Variants in HMBOX1 observed in about 807,000 individuals in gnomAD.
The protein encoded by HMBOX1 is homeobox-containing protein 1.
In HMBOX1, 14 loss-of-function variants were observed where a neutral mutation model predicts 54.5. That is an observed-to-expected ratio of 0.26 (90% CI 0.17 to 0.40). The LOEUF (loss-of-function observed/expected upper bound fraction) is 0.40. Ranked by LOEUF, HMBOX1 falls within the 10% of genes least tolerant of loss-of-function variation. The pLI is 1.00. For missense variants in HMBOX1, 332 were observed against 514.4 expected, an observed-to-expected ratio of 0.65 and a Z score of 3.43; for synonymous variants, 160 against 181.0, an observed-to-expected ratio of 0.88 and a Z score of 0.93.
chr8:29,051,513 T>G lies in HMBOX1; in HGVS notation c.*358T>G, dbSNP rs144497394. ...TGTAAAATCTTGGGTACCTTTAGAT[T>G]CTTGTAACACTAGTCTGTACTCCCT... On this transcript the variant is annotated 3_prime_UTR_variant, in exon 10 of 10. Coordinates refer to ENST00000287701, the MANE Select transcript of HMBOX1 (RefSeq NM_001135726.3). 775 of 702,880 alleles carry G rather than the reference T, an allele frequency of 1.1e-3. 4 individuals carry two copies. Among genetic ancestry groups the G allele is most frequent in the Admixed American group, 2.6e-3 (131 of 50,010 alleles). 43.5% of individuals were successfully genotyped at this position (702,880 alleles called of 1,614,324 possible).
intron 3 of HMBOX1, among the ~76,000 whole-genome samples, chr8:28,971,928 C>T (rs1247721653): frequency 6.6e-6 from 1 of 152,028 alleles, no homozygotes; most frequent in Non-Finnish European, 1.5e-5. Context: ...AAAAATAGTA[C>T]CTATAAGTAT....
At chr8:28,975,177 C>G (rs1485834310) in intron 3 of HMBOX1, among the ~76,000 whole-genome samples, 1 of 152,074 alleles carries the variant, frequency 6.6e-6, no homozygotes, top group Non-Finnish European at 1.5e-5. Flanking sequence ...TATGCAAACC[C>G]CATAATTGAA....
intron 6 of HMBOX1, among the ~76,000 whole-genome samples, chr8:29,040,054 C>CA (rs1375338755): frequency 6.6e-6 from 1 of 152,154 alleles, no homozygotes; most frequent in African/African-American, 2.4e-5. Flanking sequence ...CCAATGCCTG[C>CA]AGCCTGTGCA....
intron 6 of HMBOX1, among the ~76,000 whole-genome samples, chr8:29,043,417 G>A (rs1271881100): frequency 2.0e-5 from 3 of 152,208 alleles, no homozygotes; most frequent in African/African-American, 4.8e-5. Context: ...CATCCATGCT[G>A]CCTCAGTGCT....
chr8:28,915,851 A>C (rs572209593), intron 1 of HMBOX1: 8 of 152,132 alleles, frequency 5.3e-5, no homozygotes, highest in Middle Eastern at 3.4e-3. Context: ...TAGACATGTG[A>C]CACTGTGCCT....
intron 1 of HMBOX1, among the ~76,000 whole-genome samples, chr8:28,941,486 A>G (rs1302718768): frequency 4.6e-5 from 7 of 152,126 alleles, no homozygotes; most frequent in Non-Finnish European, 7.4e-5. Context: ...TTTAACTTCA[A>G]CAATCTGGGT....
chr8:29,007,739 G>T (rs570871799), intron 4 of HMBOX1, among the ~76,000 whole-genome samples: 1 of 152,182 alleles, frequency 6.6e-6, no homozygotes, highest in African/African-American at 2.4e-5. Flanking sequence ...AGGCCGAGGT[G>T]AGAGGGTGTG....
intron 4 of HMBOX1, among the ~76,000 whole-genome samples, chr8:28,990,517 T>A (rs1024365019): frequency 6.6e-6 from 1 of 152,342 alleles, no homozygotes; most frequent in African/African-American, 2.4e-5. Context: ...CCCACTCAGT[T>A]ATGATGTATT....
chr8:29,001,370 C>G (rs1215168566), intron 4 of HMBOX1, among the ~76,000 whole-genome samples: 4 of 152,052 alleles, frequency 2.6e-5, no homozygotes, highest in African/African-American at 9.7e-5. Flanking sequence ...GCCAATGTGG[C>G]AAAACCCTGT....
chr8:28,930,260 G>T (rs1196224127), intron 1 of HMBOX1, among the ~76,000 whole-genome samples: 2 of 152,038 alleles, frequency 1.3e-5, no homozygotes, highest in Non-Finnish European at 2.9e-5. Context: ...CTAAGACCTG[G>T]TAGCCTTTTT....
chr8:28,957,155 C>A (rs1377561288), intron 1 of HMBOX1, among the ~76,000 whole-genome samples: 1 of 152,094 alleles, frequency 6.6e-6, no homozygotes, highest in Non-Finnish European at 1.5e-5. Flanking sequence ...CAAAGACATG[C>A]AATCAGCGTA....
At chr8:29,027,313 G>A (rs1802216104) in intron 6 of HMBOX1, among the ~76,000 whole-genome samples, 1 of 152,180 alleles carries the variant, frequency 6.6e-6, no homozygotes, top group Non-Finnish European at 1.5e-5. Flanking sequence ...AAGTGCTAGG[G>A]ATAGAAAGAA....
At chr8:29,012,163 T>C (rs1477560315) in intron 5 of HMBOX1, among the ~76,000 whole-genome samples, 1 of 152,260 alleles carries the variant, frequency 6.6e-6, no homozygotes, top group Non-Finnish European at 1.5e-5. Flanking sequence ...ACATTTATTA[T>C]AAAGGCAAAT....
intron 1 of HMBOX1, among the ~76,000 whole-genome samples, chr8:28,929,926 G>GC (rs986974992): frequency 2.5e-5 from 2 of 78,620 alleles, no homozygotes; most frequent in African/African-American, 4.9e-5. Flanking sequence ...CTAACACCCC[G>GC]CCCCCCGCCC....
At chr8:28,991,161 C>T (rs566170725) in intron 4 of HMBOX1, among the ~76,000 whole-genome samples, 2 of 152,284 alleles carry the variant, frequency 1.3e-5, no homozygotes, top group Non-Finnish European at 2.9e-5. Context: ...CTACCTGGAT[C>T]TTAGGGCTTG....
intron 4 of HMBOX1, among the ~76,000 whole-genome samples, chr8:29,001,493 T>G (rs1832638934): frequency 6.6e-6 from 1 of 152,142 alleles, no homozygotes; most frequent in Admixed American, 6.6e-5. Context: ...GAGGTTGCAG[T>G]GAGCCAAGAT....
chr8:28,958,828 TAA>T (rs1228404869), intron 1 of HMBOX1, among the ~76,000 whole-genome samples: 1 of 152,226 alleles, frequency 6.6e-6, no homozygotes, highest in Non-Finnish European at 1.5e-5. Context: ...TTAAAATGGC[TAA>T]GTTTTACTGA....
intron 1 of HMBOX1, among the ~76,000 whole-genome samples, chr8:28,944,918 A>G (rs1381868582): frequency 6.6e-6 from 1 of 152,136 alleles, no homozygotes; most frequent in East Asian, 1.9e-4. Context: ...GGGGAAAGCA[A>G]GCCTCATCCA....
intron 1 of HMBOX1, among the ~76,000 whole-genome samples, chr8:28,935,236 C>T (rs1431079730): frequency 6.6e-6 from 1 of 151,944 alleles, no homozygotes; most frequent in East Asian, 1.9e-4. Flanking sequence ...CAATCAAATC[C>T]CTGGGAGGCT....
Sources: allele counts gnomAD v4.1 joint callset (sites outside exome capture counted in the v4.1 genomes callset), GRCh38; gene constraint gnomAD v4.1.1; transcripts MANE v1.5; gene names NCBI Gene and HGNC (gene_info 2026-07-23, HGNC 2026-07-21).